ANKS1B: variants seen among roughly 807,000 people sequenced by gnomAD.
ANKS1B encodes the protein ankyrin repeat and sterile alpha motif domain containing 1B.
In ANKS1B, 36 loss-of-function variants were observed where a neutral mutation model predicts 148.3. The ratio of observed to expected loss-of-function variants is 0.24; its 90% CI spans 0.19 to 0.32. ANKS1B has a LOEUF of 0.32. Among genes scored for constraint, ANKS1B ranks in the 10% least tolerant of loss-of-function variants. ANKS1B has a pLI of 1.00. For missense variants in ANKS1B, 1,157 were observed against 1,542.6 expected (o/e 0.75, Z 4.19); for synonymous variants, 542 against 560.8 (o/e 0.97, Z 0.47).
intron 16 of ANKS1B, among the ~76,000 whole-genome samples, chr12:99,076,058 G>A (rs60333892): frequency 0.077 from 11,681 of 151,930 alleles, 1,096 homozygotes; most frequent in African/African-American, 0.22. Flanking sequence ...ACTCATTACT[G>A]TAACCCTAGT....
At chr12:99,329,772 A>G (rs899887630) in intron 12 of ANKS1B, among the ~76,000 whole-genome samples, 3 of 151,756 alleles carry the variant, frequency 2.0e-5, no homozygotes, top group Non-Finnish European at 4.4e-5. Context: ...CCATTTTTCT[A>G]TTAGTTTTAA....
chr12:99,943,252 G>A (rs1162167310), intron 1 of ANKS1B, among the ~76,000 whole-genome samples: 2 of 152,120 alleles, frequency 1.3e-5, no homozygotes, highest in Non-Finnish European at 2.9e-5. Flanking sequence ...GGCCATTTAA[G>A]CCGAGCTTTT....
chr12:99,110,662 G>T (rs1335870779), intron 15 of ANKS1B, among the ~76,000 whole-genome samples: 1 of 152,086 alleles, frequency 6.6e-6, no homozygotes, highest in Non-Finnish European at 1.5e-5. Context: ...TGCTTGGTTT[G>T]AAAAATAAAA....
chr12:98,956,116 C>T (rs577416268), intron 17 of ANKS1B, among the ~76,000 whole-genome samples: 83 of 152,286 alleles, frequency 5.5e-4, no homozygotes, highest in African/African-American at 2.0e-3. Context: ...CTCTTTATCC[C>T]AAGCCTGGTC....
chr12:99,856,599 A>T (rs866040309), intron 1 of ANKS1B, among the ~76,000 whole-genome samples: 5 of 152,178 alleles, frequency 3.3e-5, no homozygotes, highest in Non-Finnish European at 4.4e-5. Context: ...ACTACAGACC[A>T]ATAACCCTGA....
chr12:99,678,001 T>C (rs971280589), intron 8 of ANKS1B, among the ~76,000 whole-genome samples: 1 of 152,104 alleles, frequency 6.6e-6, no homozygotes, highest in Admixed American at 6.5e-5. Flanking sequence ...AGTTAAAAGA[T>C]ACCCACTAAA....
intron 22 of ANKS1B, among the ~76,000 whole-genome samples, chr12:98,784,787 A>G (rs1320762266): frequency 6.6e-6 from 1 of 152,158 alleles, no homozygotes; most frequent in Non-Finnish European, 1.5e-5. Context: ...AAGATGAAGG[A>G]TAGTCATTTC....
chr12:98,817,261 A>G (rs2099149023), intron 19 of ANKS1B, among the ~76,000 whole-genome samples: 1 of 152,388 alleles, frequency 6.6e-6, no homozygotes, highest in Non-Finnish European at 1.5e-5. Flanking sequence ...AGGAAGCCTT[A>G]GCCAATAGCC....
chr12:99,253,609 T>A (rs2074911619), intron 12 of ANKS1B, among the ~76,000 whole-genome samples: 1 of 152,100 alleles, frequency 6.6e-6, no homozygotes, highest in African/African-American at 2.4e-5. Context: ...ATGACAGTAA[T>A]GGATTATAAC....
At position 99,238,696 on chromosome 12, in the gene ANKS1B, G is replaced by C. The variant is rs140900204; in HGVS notation, c.2419+5646C>G. Among the ~76,000 whole-genome samples the C allele has an allele frequency of 5.5e-3, 830 of 152,232 alleles. 8 individuals carry two copies. Among genetic ancestry groups the C allele is most frequent in the African/African-American group, 0.019 (778 of 41,548 alleles). On this transcript the variant is annotated intron_variant, in intron 14 of 26. Transcript: ENST00000683438. ...CTCAAAGAGGTGGGTGCTCCTCTGG[G>C]ACAAAGCTTCCAGAGGAAGGATCAG...
At chr12:99,746,918 G>A (rs773013492) in intron 8 of ANKS1B, among the ~76,000 whole-genome samples, 5 of 152,034 alleles carry the variant, frequency 3.3e-5, no homozygotes, top group Non-Finnish European at 7.4e-5. Context: ...ACTCTCTCTA[G>A]TCTGATAAAG....
chr12:99,542,387 A>T (rs1383489973), intron 9 of ANKS1B, among the ~76,000 whole-genome samples: 3 of 152,206 alleles, frequency 2.0e-5, no homozygotes, highest in African/African-American at 7.2e-5. Context: ...ATTTAAAAAC[A>T]TAGTTGAAAT....
chr12:99,063,405 A>G (rs1422399832), intron 16 of ANKS1B, among the ~76,000 whole-genome samples: 2 of 152,206 alleles, frequency 1.3e-5, no homozygotes, highest in African/African-American at 2.4e-5. Context: ...ATGCAGGTCT[A>G]TCAAGTAGTG....
intron 17 of ANKS1B, among the ~76,000 whole-genome samples, chr12:98,951,390 C>CA (rs2099853902): frequency 6.6e-6 from 1 of 152,088 alleles, no homozygotes; most frequent in Admixed American, 6.5e-5. Flanking sequence ...TAATGAGAAA[C>CA]AAAAAAATTC....
At chr12:98,925,740 A>G (rs1164079126) in intron 17 of ANKS1B, among the ~76,000 whole-genome samples, 1 of 152,156 alleles carries the variant, frequency 6.6e-6, no homozygotes, top group Admixed American at 6.6e-5. Context: ...CAGGTCAGGT[A>G]TGAAGCTCCC....
At chr12:99,544,786 C>G (rs1028999718) in intron 9 of ANKS1B, among the ~76,000 whole-genome samples, 1 of 152,176 alleles carries the variant, frequency 6.6e-6, no homozygotes, top group African/African-American at 2.4e-5. Flanking sequence ...CAACAACCCT[C>G]CAGCACCTGG....
At chr12:98,818,397 A>G (rs1282444778) in intron 19 of ANKS1B, among the ~76,000 whole-genome samples, 2 of 152,188 alleles carry the variant, frequency 1.3e-5, no homozygotes, top group African/African-American at 4.8e-5. Context: ...GGCATTACAC[A>G]ATTGTTTATG....
chr12:99,827,185 G>GAT (rs1726633379), intron 1 of ANKS1B, among the ~76,000 whole-genome samples: 2 of 151,656 alleles, frequency 1.3e-5, no homozygotes, highest in Admixed American at 1.3e-4. Flanking sequence ...AAATTCAGGG[G>GAT]ATATATATAC....
At chr12:99,935,230 C>A (rs946967982) in intron 1 of ANKS1B, among the ~76,000 whole-genome samples, 16 of 151,752 alleles carry the variant, frequency 1.1e-4, no homozygotes, top group African/African-American at 3.9e-4. Context: ...TAACAAAAAT[C>A]ATTCCAGGGA....
Sources: allele counts gnomAD v4.1 joint callset (sites outside exome capture counted in the v4.1 genomes callset), GRCh38; gene constraint gnomAD v4.1.1; transcripts MANE v1.5; gene names NCBI Gene and HGNC (gene_info 2026-07-23, HGNC 2026-07-21).